Variants in STARD13 observed in about 807,000 individuals in gnomAD.
The protein encoded by STARD13 is StAR related lipid transfer domain containing 13.
Under a neutral mutation model 106.4 loss-of-function variants are expected in STARD13, and 62 were observed. That is an observed-to-expected ratio of 0.58 (90% CI 0.48 to 0.72). The LOEUF is 0.72. STARD13 is among the 30% of genes least tolerant of loss of function. The pLI, the probability that STARD13 is intolerant of heterozygous loss-of-function variation, is 0.00. For missense variants in STARD13, 1,387 were observed against 1,424.0 expected, an observed-to-expected ratio of 0.97 and a Z score of 0.42; for synonymous variants, 565 against 553.0, an observed-to-expected ratio of 1.02 and a Z score of -0.31.
intron 1 of STARD13, among the ~76,000 whole-genome samples, chr13:33,173,301 T>C (rs1160802475): frequency 2.0e-5 from 3 of 152,236 alleles, no homozygotes; most frequent in Admixed American, 6.5e-5. Flanking sequence ...TCCGTATTTA[T>C]TGAAGGTGTA....
intron 1 of STARD13, among the ~76,000 whole-genome samples, chr13:33,261,339 T>C (rs1192803013): frequency 6.6e-6 from 1 of 152,152 alleles, no homozygotes; most frequent in Non-Finnish European, 1.5e-5. Flanking sequence ...GGCCCCCAAA[T>C]GTCGATAGTG....
At chr13:33,562,741 C>G in the STARD13 span, among the ~76,000 whole-genome samples, 1 of 146,300 alleles carries the variant, frequency 6.8e-6, no homozygotes, top group Non-Finnish European at 1.5e-5. Flanking sequence ...TGATTAAAAA[C>G]ATTTTTACAA....
the STARD13 span, among the ~76,000 whole-genome samples, chr13:33,546,879 C>A: frequency 5.9e-5 from 9 of 151,956 alleles, no homozygotes; most frequent in Non-Finnish European, 1.0e-4. Context: ...TATAATAATT[C>A]TTTTAAAGTG....
chr13:33,350,005 G>A (rs1244263013), intron 1 of STARD13, among the ~76,000 whole-genome samples: 8 of 103,882 alleles, frequency 7.7e-5, no homozygotes, highest in Middle Eastern at 4.5e-3. Flanking sequence ...CCGCCCGGGG[G>A]CAGCCCCTCC....
chr13:33,419,922 C>T, the STARD13 span, among the ~76,000 whole-genome samples: 1 of 152,138 alleles, frequency 6.6e-6, no homozygotes, highest in East Asian at 1.9e-4. Flanking sequence ...ATTTTGTCCC[C>T]ACCAGGCTTG....
At chr13:33,522,724 G>T in the STARD13 span, among the ~76,000 whole-genome samples, 1 of 152,168 alleles carries the variant, frequency 6.6e-6, no homozygotes, top group East Asian at 1.9e-4. Context: ...TGTATTGGTA[G>T]TGACAGACAG....
chr13:33,637,558 C>A, the STARD13 span, among the ~76,000 whole-genome samples: 3 of 152,128 alleles, frequency 2.0e-5, no homozygotes, highest in Non-Finnish European at 4.4e-5. Context: ...ATTTTGATTT[C>A]TCTCTGTGCT....
intron 1 of STARD13, among the ~76,000 whole-genome samples, chr13:33,182,120 A>G (rs1885299629): frequency 6.6e-6 from 1 of 152,232 alleles, no homozygotes; most frequent in Non-Finnish European, 1.5e-5. Context: ...TACACACATC[A>G]TACACACATA....
At chr13:33,497,699 T>C in the STARD13 span, among the ~76,000 whole-genome samples, 2 of 152,174 alleles carry the variant, frequency 1.3e-5, no homozygotes, top group South Asian at 4.1e-4. Context: ...TGTCTAGAGC[T>C]ATTACTGTAG....
the STARD13 span, among the ~76,000 whole-genome samples, chr13:33,423,177 G>A: frequency 2.6e-5 from 4 of 152,160 alleles, no homozygotes; most frequent in Middle Eastern, 3.4e-3. Flanking sequence ...TGGGAGAAAA[G>A]TTTTGCAATC....
At chr13:33,320,263 T>G (rs1193377692) in intron 1 of STARD13, among the ~76,000 whole-genome samples, 1 of 152,174 alleles carries the variant, frequency 6.6e-6, no homozygotes, top group Non-Finnish European at 1.5e-5. Context: ...AACTATTGAG[T>G]GACTTGAGCC....
intron 3 of STARD13, among the ~76,000 whole-genome samples, chr13:33,155,793 A>G (rs1416861183): frequency 2.0e-5 from 3 of 152,204 alleles, no homozygotes; most frequent in Non-Finnish European, 4.4e-5. Flanking sequence ...CAGAGAACAG[A>G]CATGATTACT....
chr13:33,585,392 A>G, the STARD13 span, among the ~76,000 whole-genome samples: 10 of 152,212 alleles, frequency 6.6e-5, no homozygotes, highest in Non-Finnish European at 1.3e-4. Flanking sequence ...TTGACAAATG[A>G]ATGAAAAAAA....
intron 1 of STARD13, among the ~76,000 whole-genome samples, chr13:33,216,743 G>A (rs1369076304): frequency 6.6e-6 from 1 of 152,128 alleles, no homozygotes; most frequent in East Asian, 1.9e-4. Flanking sequence ...TATATGGTTG[G>A]TAACATTTGA....
chr13:33,240,570 AG>A (rs1340619259), intron 1 of STARD13, among the ~76,000 whole-genome samples: 1 of 152,144 alleles, frequency 6.6e-6, no homozygotes, highest in Non-Finnish European at 1.5e-5. Flanking sequence ...CAATGTCTGC[AG>A]TTTTCAATGT....
At chr13:33,318,524 G>T (rs1001036373) in intron 1 of STARD13, among the ~76,000 whole-genome samples, 2 of 151,948 alleles carry the variant, frequency 1.3e-5, no homozygotes, top group Non-Finnish European at 2.9e-5. Flanking sequence ...TCATTTTTTA[G>T]AAATGACATG....
At chr13:33,565,005 GAAA>G in the STARD13 span, among the ~76,000 whole-genome samples, 3 of 138,444 alleles carry the variant, frequency 2.2e-5, no homozygotes, top group Middle Eastern at 3.7e-3. Flanking sequence ...AAAAAAAAAA[GAAA>G]AAAAGAAAAA....
chr13:33,114,824 C>CCAT (rs1257620282), intron 8 of STARD13, among the ~76,000 whole-genome samples: 1 of 151,972 alleles, frequency 6.6e-6, no homozygotes, highest in Non-Finnish European at 1.5e-5. Context: ...TACTTCCTGT[C>CCAT]CATTATTATT....
At chr13:33,473,585 C>G in the STARD13 span, among the ~76,000 whole-genome samples, 1 of 152,122 alleles carries the variant, frequency 6.6e-6, no homozygotes, top group African/African-American at 2.4e-5. Context: ...GAAATGAACC[C>G]AGACCAAACC....
Sources: gnomAD v4.1 joint callset for allele counts (sites outside exome capture counted in the v4.1 genomes callset) on GRCh38, gnomAD v4.1.1 for gene constraint, MANE v1.5 for transcripts, NCBI Gene and HGNC (gene_info 2026-07-23, HGNC 2026-07-21) for gene names.